Variants in NDUFAF2 observed in about 807,000 individuals in gnomAD.
NDUFAF2 encodes the protein NADH dehydrogenase [ubiquinone] 1 alpha subcomplex assembly factor 2.
Under a neutral mutation model 22.8 loss-of-function variants are expected in NDUFAF2, and 13 were observed. The observed-to-expected ratio is 0.57, with a 90% CI of 0.37 to 0.91. The LOEUF is 0.91. NDUFAF2 is among the 40% of genes least tolerant of loss of function. NDUFAF2 has a pLI of 0.01. For missense variants in NDUFAF2, 162 were observed against 195.2 expected, an observed-to-expected ratio of 0.83 and a Z score of 1.01; for synonymous variants, 53 against 64.2, an observed-to-expected ratio of 0.83 and a Z score of 0.84.
At chr5:61,098,721 T>A (rs897249228) in intron 2 of NDUFAF2, among the ~76,000 whole-genome samples, 8 of 152,154 alleles carry the variant, frequency 5.3e-5, no homozygotes, top group African/African-American at 1.9e-4. Context: ...TTTAAACATA[T>A]GAAACTGTCC....
intron 1 of NDUFAF2, among the ~76,000 whole-genome samples, chr5:61,061,916 G>T (rs557956536): frequency 1.3e-5 from 2 of 152,316 alleles, no homozygotes; most frequent in African/African-American, 4.8e-5. Flanking sequence ...CTGAAGCCTA[G>T]ACCAGGGAGG....
At chr5:61,078,707 C>G (rs1354861039) in intron 2 of NDUFAF2, among the ~76,000 whole-genome samples, 1 of 151,910 alleles carries the variant, frequency 6.6e-6, no homozygotes, top group Non-Finnish European at 1.5e-5. Context: ...CGCCACTGCA[C>G]TCCAGTCTGG....
intron 1 of NDUFAF2, among the ~76,000 whole-genome samples, chr5:61,062,943 C>G (rs1413413232): frequency 6.6e-6 from 1 of 152,050 alleles, no homozygotes; most frequent in Non-Finnish European, 1.5e-5. Context: ...GTTAAGAATA[C>G]TATACCCAAC....
chr5:61,036,764 G>A (rs1468951829), intron 1 of NDUFAF2, among the ~76,000 whole-genome samples: 1 of 152,150 alleles, frequency 6.6e-6, no homozygotes, highest in Admixed American at 6.5e-5. Context: ...GGGCCAGTGG[G>A]AATAGCCTTC....
chr5:60,970,920 C>A (rs1366806734), intron 1 of NDUFAF2, among the ~76,000 whole-genome samples: 1 of 152,046 alleles, frequency 6.6e-6, no homozygotes, highest in Non-Finnish European at 1.5e-5. Context: ...TAATTTGTCT[C>A]ATATTAAGGA....
At chr5:60,970,887 TTATA>T (rs907659398) in intron 1 of NDUFAF2, among the ~76,000 whole-genome samples, 2 of 152,112 alleles carry the variant, frequency 1.3e-5, no homozygotes, top group African/African-American at 4.8e-5. Context: ...GTTTATATCC[TTATA>T]TATATATTTT....
intron 2 of NDUFAF2, among the ~76,000 whole-genome samples, chr5:61,089,936 A>G (rs998472911): frequency 6.6e-6 from 1 of 151,796 alleles, no homozygotes; most frequent in Non-Finnish European, 1.5e-5. Context: ...GCCTTACAAG[A>G]GAACTGAAAA....
chr5:60,953,377 A>AC, intron 1 of NDUFAF2, among the ~76,000 whole-genome samples: 1 of 152,290 alleles, frequency 6.6e-6, no homozygotes, highest in African/African-American at 2.4e-5. Context: ...CAACAAAAAT[A>AC]CCTTGTTAAA....
At chr5:61,075,364 G>C (rs1365295635) in intron 2 of NDUFAF2, among the ~76,000 whole-genome samples, 1 of 152,008 alleles carries the variant, frequency 6.6e-6, no homozygotes, top group African/African-American at 2.4e-5. Context: ...AAAATAAGTA[G>C]ATACCAAAGG....
intron 1 of NDUFAF2, among the ~76,000 whole-genome samples, chr5:61,026,488 T>C (rs940346887): frequency 2.0e-5 from 3 of 152,086 alleles, no homozygotes; most frequent in Admixed American, 6.6e-5. Context: ...TTATCTTTAC[T>C]ATTTAAACAG....
At chr5:61,107,072 C>CACACACACAA (rs1561566927) in intron 3 of NDUFAF2, among the ~76,000 whole-genome samples, 2 of 150,040 alleles carry the variant, frequency 1.3e-5, no homozygotes, top group African/African-American at 5.0e-5. Context: ...CACACACACA[C>CACACACACAA]ACACACACAC....
intron 3 of NDUFAF2, among the ~76,000 whole-genome samples, chr5:61,105,512 G>A (rs10056513): frequency 0.048 from 7,173 of 149,786 alleles, 833 homozygotes; most frequent in African/African-American, 0.17. Flanking sequence ...TAAGAAAATT[G>A]CAGCATGTTC....
At chr5:61,081,386 C>T (rs1227981317) in intron 2 of NDUFAF2, among the ~76,000 whole-genome samples, 1 of 152,070 alleles carries the variant, frequency 6.6e-6, no homozygotes, top group East Asian at 1.9e-4. Flanking sequence ...ATAACATAGT[C>T]ATCTTGGAAA....
rs577232525 is a variant in NDUFAF2 at position 61,074,174 on chromosome 5, G to C, written c.217+960G>C. 3.9e-4 allele frequency among the ~76,000 whole-genome samples: 59 copies of C among 152,312 alleles called. No homozygotes were observed. In the South Asian group the frequency reaches 0.012, roughly 30 times the overall value. On this transcript the variant is annotated intron_variant, in intron 2 of 3. Coordinates refer to ENST00000296597, the MANE Select transcript of NDUFAF2 (RefSeq NM_174889.5). ...CAATATGTATTGAATACCTGAGGCCGGGAGTGGTGACTCACGCCTGTAATC... is the reference window on the plus strand; with the variant it reads ...CAATATGTATTGAATACCTGAGGCCCGGAGTGGTGACTCACGCCTGTAATC...
chr5:60,973,352 C>A (rs927560097), intron 1 of NDUFAF2, among the ~76,000 whole-genome samples: 1 of 151,914 alleles, frequency 6.6e-6, no homozygotes, highest in African/African-American at 2.4e-5. Flanking sequence ...TGTTTGCTTG[C>A]TTGTTTGTTT....
chr5:61,120,624 A>G (rs942797926), intron 3 of NDUFAF2, among the ~76,000 whole-genome samples: 4 of 152,134 alleles, frequency 2.6e-5, no homozygotes, highest in Admixed American at 2.6e-4. Flanking sequence ...ATAAGGTGCT[A>G]TTATGAATTA....
intron 3 of NDUFAF2, among the ~76,000 whole-genome samples, chr5:61,099,356 T>TG (rs1310441315): frequency 6.6e-6 from 1 of 151,498 alleles, no homozygotes; most frequent in Non-Finnish European, 1.5e-5. Flanking sequence ...CCCTGGGCCC[T>TG]GGGGGTTCTC....
At chr5:61,152,243 C>A (rs1297930819) in intron 3 of NDUFAF2, among the ~76,000 whole-genome samples, 4 of 151,320 alleles carry the variant, frequency 2.6e-5, no homozygotes, top group Admixed American at 2.6e-4. Flanking sequence ...AGGCTTGGTT[C>A]TGGTACTACA....
At chr5:60,985,295 G>A (rs1311702027) in intron 1 of NDUFAF2, among the ~76,000 whole-genome samples, 2 of 151,802 alleles carry the variant, frequency 1.3e-5, no homozygotes, top group African/African-American at 4.8e-5. Flanking sequence ...TTTCTTCTTT[G>A]TTAGTCTTGC....
Sources: allele counts gnomAD v4.1 joint callset (sites outside exome capture counted in the v4.1 genomes callset), GRCh38; gene constraint gnomAD v4.1.1; transcripts MANE v1.5; gene names NCBI Gene and HGNC (gene_info 2026-07-23, HGNC 2026-07-21).